SLC24A3: variants seen among roughly 807,000 people sequenced by gnomAD.
SLC24A3 encodes the protein sodium/potassium/calcium exchanger 3.
Under a neutral mutation model 75.8 loss-of-function variants are expected in SLC24A3, and 28 were observed. That is an observed-to-expected ratio of 0.37 (90% CI 0.27 to 0.51). The LOEUF (loss-of-function observed/expected upper bound fraction) is 0.51. Ranked by LOEUF, SLC24A3 falls within the 20% of genes least tolerant of loss-of-function variation. The probability of loss-of-function intolerance (pLI) is 0.94; values close to 1 mark genes in which losing one functional copy is unlikely to be tolerated. For missense variants in SLC24A3, 663 were observed against 847.8 expected, an observed-to-expected ratio of 0.78 and a Z score of 2.71; for synonymous variants, 372 against 334.1, an observed-to-expected ratio of 1.11 and a Z score of -1.24.
At chr20:19,584,743 C>T (rs537497808) in intron 4 of SLC24A3, among the ~76,000 whole-genome samples, 1 of 152,316 alleles carries the variant, frequency 6.6e-6, no homozygotes, top group South Asian at 2.1e-4. Flanking sequence ...TTAAGGAGGA[C>T]ATTGAGAGGA....
intron 1 of SLC24A3, among the ~76,000 whole-genome samples, chr20:19,239,954 G>T (rs564540761): frequency 2.0e-5 from 3 of 152,124 alleles, no homozygotes; most frequent in Non-Finnish European, 4.4e-5. Flanking sequence ...CACAATCTGC[G>T]GTTGTCCTGA....
intron 3 of SLC24A3, among the ~76,000 whole-genome samples, chr20:19,575,297 C>T (rs144483731): frequency 3.4e-5 from 5 of 149,166 alleles, no homozygotes; most frequent in East Asian, 2.0e-4. Context: ...AGCTACTCCA[C>T]GAACACCACC....
intron 3 of SLC24A3, among the ~76,000 whole-genome samples, chr20:19,521,338 C>G (rs1316732225): frequency 6.6e-6 from 1 of 152,196 alleles, no homozygotes; most frequent in Non-Finnish European, 1.5e-5. Context: ...CCTGCCTGGC[C>G]ATGGGGTGAC....
At chr20:19,315,465 G>A (rs1178583933) in intron 2 of SLC24A3, among the ~76,000 whole-genome samples, 8 of 152,184 alleles carry the variant, frequency 5.3e-5, no homozygotes, top group Non-Finnish European at 7.3e-5. Flanking sequence ...GGCAAGATTT[G>A]TGCTGAAATC....
chr20:19,320,707 T>C (rs914260604), intron 2 of SLC24A3, among the ~76,000 whole-genome samples: 2 of 152,198 alleles, frequency 1.3e-5, no homozygotes, highest in African/African-American at 2.4e-5. Flanking sequence ...AAATCCCTGA[T>C]ATGATCCTCC....
intron 6 of SLC24A3, among the ~76,000 whole-genome samples, chr20:19,627,889 A>G (rs1228646158): frequency 3.3e-5 from 5 of 152,112 alleles, no homozygotes; most frequent in African/African-American, 9.7e-5. Context: ...GAAAATGTAA[A>G]TCAGTCACTG....
intron 2 of SLC24A3, among the ~76,000 whole-genome samples, chr20:19,393,355 A>G (rs1332904598): frequency 1.3e-5 from 2 of 152,202 alleles, no homozygotes; most frequent in African/African-American, 4.8e-5. Flanking sequence ...GGTTTGCTCA[A>G]CATACCACTG....
At chr20:19,418,484 A>T (rs11907443) in intron 2 of SLC24A3, among the ~76,000 whole-genome samples, 24,882 of 151,984 alleles carry the variant, frequency 0.16, 3,032 homozygotes, top group East Asian at 0.39. Context: ...AAATTAGAGG[A>T]CTGGTCTGTG....
intron 1 of SLC24A3, among the ~76,000 whole-genome samples, chr20:19,259,434 G>A (rs772256572): frequency 9.2e-5 from 14 of 152,220 alleles, no homozygotes; most frequent in Non-Finnish European, 1.5e-4. Flanking sequence ...GCTGGTGACA[G>A]TTCAGGACCA....
intron 1 of SLC24A3, among the ~76,000 whole-genome samples, chr20:19,253,287 G>A (rs1392732275): frequency 1.3e-5 from 2 of 152,188 alleles, no homozygotes; most frequent in Non-Finnish European, 2.9e-5. Flanking sequence ...TTGGTTGCAG[G>A]AATCTGTCAT....
At chr20:19,575,963 G>C (rs894918223) in intron 3 of SLC24A3, among the ~76,000 whole-genome samples, 1 of 152,120 alleles carries the variant, frequency 6.6e-6, no homozygotes, top group Non-Finnish European at 1.5e-5. Flanking sequence ...TTTATACAGG[G>C]AGATAGCTGG....
intron 2 of SLC24A3, among the ~76,000 whole-genome samples, chr20:19,505,535 A>G (rs1241564795): frequency 6.6e-6 from 1 of 152,200 alleles, no homozygotes; most frequent in Non-Finnish European, 1.5e-5. Context: ...AGATGATCCC[A>G]AATATGGGAG....
chr20:19,313,694 AG>A (rs768325403), intron 2 of SLC24A3, among the ~76,000 whole-genome samples: 12 of 152,244 alleles, frequency 7.9e-5, no homozygotes, highest in Non-Finnish European at 1.8e-4. Flanking sequence ...GCTCAGCTAC[AG>A]TAATCTGGCT....
chr20:19,234,333 G>C (rs1292240468), intron 1 of SLC24A3, among the ~76,000 whole-genome samples: 3 of 152,206 alleles, frequency 2.0e-5, no homozygotes, highest in Non-Finnish European at 4.4e-5. Context: ...GGCATGTATT[G>C]CCTGTGAAAG....
At chr20:19,278,989 T>C (rs1199594715) in intron 1 of SLC24A3, among the ~76,000 whole-genome samples, 1 of 152,192 alleles carries the variant, frequency 6.6e-6, no homozygotes, top group African/African-American at 2.4e-5. Context: ...ACCTAAAAAG[T>C]GGGACTAATT....
At position 19,550,134 on chromosome 20, in the gene SLC24A3, G is replaced by A. The variant is rs145277683; in HGVS notation, c.349-29866G>A. On this transcript the variant is annotated intron_variant, in intron 3 of 16. Coordinates refer to ENST00000328041, the MANE Select transcript of SLC24A3 (RefSeq NM_020689.4). ...AGAAAAGCTTTGAGTTGCCAAGATAGCATTTACTAAATTTGGTCATAAAAA... is the reference window on the plus strand; with the variant it reads ...AGAAAAGCTTTGAGTTGCCAAGATAACATTTACTAAATTTGGTCATAAAAA... 2.7e-3 allele frequency among the ~76,000 whole-genome samples: 415 copies of A among 152,264 alleles called. 1 individual carries two copies. Among genetic ancestry groups the A allele is most frequent in the African/African-American group, 9.3e-3 (388 of 41,558 alleles).
intron 2 of SLC24A3, among the ~76,000 whole-genome samples, chr20:19,413,810 T>G (rs1986785242): frequency 6.6e-6 from 1 of 152,204 alleles, no homozygotes. Context: ...ATGGAATCAA[T>G]CAATAGGTTT....
intron 2 of SLC24A3, among the ~76,000 whole-genome samples, chr20:19,451,058 A>G (rs553980331): frequency 1.3e-5 from 2 of 152,332 alleles, no homozygotes; most frequent in East Asian, 3.9e-4. Flanking sequence ...TTAATGCTCC[A>G]TTATGTGACC....
At chr20:19,236,983 C>T (rs573788134) in intron 1 of SLC24A3, among the ~76,000 whole-genome samples, 1 of 152,280 alleles carries the variant, frequency 6.6e-6, no homozygotes, top group East Asian at 1.9e-4. Flanking sequence ...CAAGGAACTA[C>T]CTAAGCTCTG....
Sources: gnomAD v4.1 joint callset for allele counts (sites outside exome capture counted in the v4.1 genomes callset) on GRCh38, gnomAD v4.1.1 for gene constraint, MANE v1.5 for transcripts, NCBI Gene and HGNC (gene_info 2026-07-23, HGNC 2026-07-21) for gene names.